The following TAS2R1 variants were observed in gnomAD, a reference collection of about 807,000 sequenced individuals.
TAS2R1 encodes the protein taste 2 receptor member 1, also known as taste receptor type 2 member 1.
For missense variants in TAS2R1, 370 were observed against 353.4 expected, an observed-to-expected ratio of 1.05 and a Z score of -0.38; for synonymous variants, 141 against 134.2, an observed-to-expected ratio of 1.05 and a Z score of -0.35.
At chr5:9,650,097 T>A (rs563507004) in intron 2 of TAS2R1, among the ~76,000 whole-genome samples, 84 of 152,130 alleles carry the variant, frequency 5.5e-4, no homozygotes, top group Non-Finnish European at 1.1e-3. Context: ...AGACATTTAG[T>A]GATTTCCAAA....
chr5:9,836,023 C>G, the TAS2R1 span, among the ~76,000 whole-genome samples: 1 of 152,020 alleles, frequency 6.6e-6, no homozygotes, highest in Non-Finnish European at 1.5e-5. Flanking sequence ...GGGAGGGACC[C>G]AGTAGGAGGT....
chr5:9,785,533 G>A, the TAS2R1 span, among the ~76,000 whole-genome samples: 1 of 152,154 alleles, frequency 6.6e-6, no homozygotes, highest in Non-Finnish European at 1.5e-5. Flanking sequence ...TTTGATAGCT[G>A]TTCAATAAAT....
At chr5:9,633,457 G>T (rs887327082), upstream of TAS2R1, among the ~76,000 whole-genome samples, 1 of 151,430 alleles carries the variant, frequency 6.6e-6, no homozygotes, top group Non-Finnish European at 1.5e-5. Context: ...CCTCTGGGTA[G>T]ATACCCGGGA....
the TAS2R1 span, among the ~76,000 whole-genome samples, chr5:9,733,928 A>G: frequency 1.3e-4 from 20 of 152,022 alleles, no homozygotes; most frequent in African/African-American, 4.6e-4. Flanking sequence ...CAATATAACT[A>G]TTTCCAAGCT....
chr5:9,786,138 C>T, the TAS2R1 span, among the ~76,000 whole-genome samples: 5 of 152,154 alleles, frequency 3.3e-5, no homozygotes, highest in East Asian at 1.9e-4. Context: ...TACTCATACA[C>T]GACTGGGCAG....
intron 1 of TAS2R1, among the ~76,000 whole-genome samples, chr5:9,705,045 TG>T (rs1314858206): frequency 6.6e-6 from 1 of 151,096 alleles, no homozygotes; most frequent in East Asian, 1.9e-4. Context: ...TCTTCTTCAA[TG>T]GGAAAAAAAC....
intron 1 of TAS2R1, among the ~76,000 whole-genome samples, chr5:9,703,761 GC>G (rs754614609): frequency 4.6e-5 from 7 of 152,174 alleles, no homozygotes; most frequent in Non-Finnish European, 8.8e-5. Flanking sequence ...TTGCATCTGT[GC>G]CTACAACTGT....
the TAS2R1 span, among the ~76,000 whole-genome samples, chr5:9,826,618 G>A: frequency 3.9e-5 from 6 of 152,206 alleles, no homozygotes; most frequent in East Asian, 9.6e-4. Context: ...AACCTATATC[G>A]TTTTAAAGGC....
At chr5:9,891,087 C>G in the TAS2R1 span, among the ~76,000 whole-genome samples, 1 of 152,176 alleles carries the variant, frequency 6.6e-6, no homozygotes. Flanking sequence ...CTCATTCTCT[C>G]TCTAGTCTAC....
intron 1 of TAS2R1, among the ~76,000 whole-genome samples, chr5:9,696,545 G>C (rs961507175): frequency 4.3e-4 from 66 of 152,044 alleles, no homozygotes; most frequent in African/African-American, 1.5e-3. Context: ...CTGGGTGACA[G>C]AGCGAGATGC....
the TAS2R1 span, among the ~76,000 whole-genome samples, chr5:9,734,999 G>C: frequency 3.3e-5 from 5 of 151,438 alleles, no homozygotes. Flanking sequence ...TCTGTAGGCT[G>C]TACAGGAAGC....
chr5:9,903,317 C>T, the TAS2R1 span, among the ~76,000 whole-genome samples: 1 of 152,042 alleles, frequency 6.6e-6, no homozygotes, highest in African/African-American at 2.4e-5. Flanking sequence ...TCTCCAGTTT[C>T]ATCCATGTTG....
At chr5:9,805,363 G>C in the TAS2R1 span, among the ~76,000 whole-genome samples, 1 of 152,010 alleles carries the variant, frequency 6.6e-6, no homozygotes, top group African/African-American at 2.4e-5. Flanking sequence ...CCAAACAATA[G>C]AGAAAGAGGA....
At chr5:9,729,506 T>C in the TAS2R1 span, among the ~76,000 whole-genome samples, 1 of 152,190 alleles carries the variant, frequency 6.6e-6, no homozygotes, top group Non-Finnish European at 1.5e-5. Flanking sequence ...GGTGACATGC[T>C]ACCACTGCCC....
chr5:9,895,033 G>A, the TAS2R1 span, among the ~76,000 whole-genome samples: 1 of 152,230 alleles, frequency 6.6e-6, no homozygotes, highest in African/African-American at 2.4e-5. Flanking sequence ...TGATGAACAA[G>A]TATAGCTGCA....
the TAS2R1 span, among the ~76,000 whole-genome samples, chr5:9,836,794 G>A: frequency 1.3e-5 from 2 of 152,116 alleles, no homozygotes; most frequent in African/African-American, 2.4e-5. Context: ...CAAACACAAA[G>A]TGTGACTGGG....
chr5:9,662,938 T>C (rs1740566384), intron 1 of TAS2R1, among the ~76,000 whole-genome samples: 1 of 152,220 alleles, frequency 6.6e-6, no homozygotes, highest in South Asian at 2.1e-4. Flanking sequence ...TCAATTGTCA[T>C]TTTGAAGTCA....
chr5:9,882,569 T>C, the TAS2R1 span, among the ~76,000 whole-genome samples: 17 of 152,324 alleles, frequency 1.1e-4, no homozygotes, highest in African/African-American at 2.6e-4. Flanking sequence ...GAGGTTGCAG[T>C]GAGCCGAGAT....
chr5:9,739,509 A>G, the TAS2R1 span, among the ~76,000 whole-genome samples: 124,343 of 152,182 alleles, frequency 0.82, 51,093 homozygotes, highest in East Asian at 0.94. Context: ...CAATTGCAAG[A>G]TGCCCTGCTA....
Sources: gnomAD v4.1 joint callset for allele counts (sites outside exome capture counted in the v4.1 genomes callset) on GRCh38, gnomAD v4.1.1 for gene constraint, MANE v1.5 for transcripts, NCBI Gene and HGNC (gene_info 2026-07-23, HGNC 2026-07-21) for gene names.